Variants in TMEM64 observed in about 807,000 individuals in gnomAD.
TMEM64 encodes transmembrane protein 64.
A neutral mutation model predicts 24.5 loss-of-function variants in TMEM64; 19 were observed. The observed-to-expected ratio is 0.78, with a 90% CI of 0.54 to 1.14. The LOEUF (loss-of-function observed/expected upper bound fraction) is 1.14, where lower values mean the gene tolerates loss of function less well. TMEM64 is among the 50% of genes most tolerant of loss of function. The probability of loss-of-function intolerance (pLI) is 0.00; values close to 1 mark genes in which losing one functional copy is unlikely to be tolerated. For missense variants in TMEM64, 487 were observed against 493.0 expected (o/e 0.99, Z 0.12); for synonymous variants, 262 against 224.7 (o/e 1.17, Z -1.49).
chr8:90,623,556 T>A lies in TMEM64; in HGVS notation c.*2115A>T, dbSNP rs1809312859. On this transcript the variant is annotated 3_prime_UTR_variant, in exon 3 of 3. Coordinates refer to ENST00000458549, the MANE Select transcript of TMEM64 (RefSeq NM_001008495.4). ...AATCCATACTATTTTAAGAAAAAAA[T>A]GGATGATTTATTATATAAAATTAAG... 6.6e-6 allele frequency: 1 copy of A among 152,390 alleles called. No individual in the cohort carries two copies. Among genetic ancestry groups the A allele is most frequent in the Non-Finnish European group, 1.5e-5 (1 of 67,958 alleles). 9.4% of individuals were successfully genotyped at this position (152,390 alleles called of 1,614,324 possible).
At chr8:90,632,314 T>G (rs1338368798) in intron 1 of TMEM64, among the ~76,000 whole-genome samples, 1 of 151,478 alleles carries the variant, frequency 6.6e-6, no homozygotes, top group Non-Finnish European at 1.5e-5. Flanking sequence ...ACCGCTACTT[T>G]TTGTTGTTGT....
intron 1 of TMEM64, among the ~76,000 whole-genome samples, chr8:90,634,957 G>A (rs1301394932): frequency 2.0e-5 from 3 of 152,142 alleles, no homozygotes; most frequent in Non-Finnish European, 4.4e-5. Flanking sequence ...ATAATGAACT[G>A]GAGATGCATC....
At chr8:90,627,454 T>C (rs1809376204) in intron 2 of TMEM64, among the ~76,000 whole-genome samples, 1 of 104,810 alleles carries the variant, frequency 9.5e-6, no homozygotes, top group South Asian at 2.7e-4. Flanking sequence ...TGTAAAGAGA[T>C]GAAAAAAATA....
chr8:90,633,439 A>T (rs969074266), intron 1 of TMEM64, among the ~76,000 whole-genome samples: 1 of 152,222 alleles, frequency 6.6e-6, no homozygotes, highest in Non-Finnish European at 1.5e-5. Context: ...AGCTAGTTGC[A>T]CAGGAATTCC....
intron 2 of TMEM64, among the ~76,000 whole-genome samples, chr8:90,630,084 T>G (rs1474119944): frequency 2.0e-5 from 3 of 152,148 alleles, no homozygotes; most frequent in Admixed American, 6.5e-5. Flanking sequence ...TTCATTAGTA[T>G]TATTTGCTTA....
intron 2 of TMEM64, among the ~76,000 whole-genome samples, chr8:90,629,607 AT>A (rs937604011): frequency 2.5e-4 from 38 of 152,256 alleles, no homozygotes; most frequent in African/African-American, 8.9e-4. Flanking sequence ...ATGTTAATTT[AT>A]ATACTGTGCT....
intron 1 of TMEM64, among the ~76,000 whole-genome samples, chr8:90,634,487 T>C (rs997618777): frequency 6.6e-6 from 1 of 152,212 alleles, no homozygotes; most frequent in African/African-American, 2.4e-5. Flanking sequence ...CTTGGCCATA[T>C]TTATTCTTGC....
intron 1 of TMEM64, among the ~76,000 whole-genome samples, chr8:90,642,183 A>G (rs1274555120): frequency 1.3e-5 from 2 of 152,228 alleles, no homozygotes; most frequent in Non-Finnish European, 2.9e-5. Flanking sequence ...GGAAGTGACT[A>G]TGAGCCAGAC....
At chr8:90,640,361 A>C (rs1297238733) in intron 1 of TMEM64, among the ~76,000 whole-genome samples, 1 of 152,234 alleles carries the variant, frequency 6.6e-6, no homozygotes, top group Admixed American at 6.5e-5. Flanking sequence ...ACAGAATAAG[A>C]ACTCAAGAAA....
chr8:90,633,741 A>C (rs6998150), intron 1 of TMEM64, among the ~76,000 whole-genome samples: 53,120 of 151,986 alleles, frequency 0.35, 10,123 homozygotes, highest in East Asian at 0.73. Context: ...ATGATGTTTC[A>C]TCATTAATCT....
chr8:90,645,332 C>A lies in TMEM64; in HGVS notation c.574G>T (p.Val192Leu), dbSNP rs756459793. The change falls in exon 1 of 3, where the codon GTG becomes TTG. Residue 192 changes from valine to leucine, a missense_variant. Transcript: ENST00000458549. The surrounding 1 kb of genome is among the most constrained non-coding windows in gnomAD (Gnocchi z 4.2). The part of the protein sequence containing the change: ...NVAAGYLYGF[V>L]LGMGLMMVGV... ...ACCATCATCAGACCCATGCCCAGCA[C>A]GAAGCCGTACAGGTAGCCAGCGGCC... 1.3e-6 allele frequency: 2 copies of A among 1,560,044 alleles called. No individual in the cohort carries two copies. The highest frequency in any genetic ancestry group is 3.9e-5 in the Admixed American group (2 of 51,636).
At chr8:90,626,625 CT>C (rs1223612676) in intron 2 of TMEM64, among the ~76,000 whole-genome samples, 1 of 112,536 alleles carries the variant, frequency 8.9e-6, no homozygotes, top group Admixed American at 9.1e-5. Flanking sequence ...CTTTTTTTTT[CT>C]TTCTTTTTTT....
chr8:90,631,645 C>T lies in TMEM64; in HGVS notation c.858G>A (p.Gln286=). Residue 286 remains glutamine, a synonymous_variant, in exon 2 of 3, where the codon CAG becomes CAA. Coordinates refer to ENST00000458549, the MANE Select transcript of TMEM64 (RefSeq NM_001008495.4). ...MASSVGLLPT[Q]LLNSYLGTTL... ...TGGTACCCAAGTAAGAATTCAGAAG[C>T]TGGGTAGGAAGCAGTCCAACCGAAG... The T allele has an allele frequency of 6.2e-7, 1 of 1,613,760 alleles. No individual in the cohort carries two copies. Among genetic ancestry groups the T allele is most frequent in the South Asian group, 1.1e-5 (1 of 91,056 alleles).
intron 1 of TMEM64, among the ~76,000 whole-genome samples, chr8:90,635,046 C>A (rs1299784698): frequency 1.3e-5 from 2 of 152,058 alleles, no homozygotes; most frequent in African/African-American, 2.4e-5. Flanking sequence ...ACTGCTCATG[C>A]GAGATGCTCC....
In TMEM64 at chr8:90,631,617, G is replaced by T. The variant is rs376632890; in HGVS notation, c.886C>A (p.Leu296Met). Residue 296 changes from leucine (L) to methionine (M), a missense_variant, in exon 2 of 3, where the codon CTG becomes ATG. Leu to Met is a conservative substitution (Grantham distance 15, BLOSUM62 2). This residue lies in a region of TMEM64 where 419 missense variants were observed against 407.5 expected (regional missense o/e 1.03). Coordinates refer to ENST00000458549, the MANE Select transcript of TMEM64 (RefSeq NM_001008495.4). ...GCAATGACATCTTCCATTGTCCGCAGGGTGGTACCCAAGTAAGAATTCAGA... is the reference window on the plus strand; with the variant it reads ...GCAATGACATCTTCCATTGTCCGCATGGTGGTACCCAAGTAAGAATTCAGA... ...QLLNSYLGTT[L>M]RTMEDVIAEQ... 5.0e-6 allele frequency: 8 copies of T among 1,613,634 alleles called. No homozygotes were observed. The African/African-American group carries it at 8.0e-5, about 16-fold the overall frequency.
intron 1 of TMEM64, among the ~76,000 whole-genome samples, chr8:90,640,063 T>C (rs984175183): frequency 3.3e-5 from 5 of 152,186 alleles, no homozygotes; most frequent in African/African-American, 1.2e-4. Flanking sequence ...CATTCAGTGG[T>C]ATTGTGAGGT....
At chr8:90,633,367 G>A (rs1447496582) in intron 1 of TMEM64, among the ~76,000 whole-genome samples, 1 of 152,198 alleles carries the variant, frequency 6.6e-6, no homozygotes, top group African/African-American at 2.4e-5. Flanking sequence ...GCCTTAAGAT[G>A]ATGCAGCCCT....
rs575763856 is a variant in TMEM64 at position 90,645,915 on chromosome 8, C to T, written c.-10G>A. 6.3e-4 allele frequency: 722 copies of T among 1,137,790 alleles called. 3 individuals are homozygous for T. In the African/African-American group the frequency reaches 0.01, roughly 16 times the overall value. The allele number at this position is 1,137,790 out of a possible 1,614,324, so 70.5% of individuals were successfully genotyped here. On this transcript the variant is annotated 5_prime_UTR_variant, in exon 1 of 3. Coordinates refer to ENST00000458549, the MANE Select transcript of TMEM64 (RefSeq NM_001008495.4). This position sits in a 1 kb window ranked among gnomAD's most constrained non-coding sequence, Gnocchi z 4.2. ...CGCCCGGGCTCCGCATGCCTCGGCC[C>T]AGCGCGGGCCCTCAGCCGGCCAGCC... is the stretch of plus-strand genomic sequence containing the variant.
chr8:90,628,164 A>C (rs901501493), intron 2 of TMEM64, among the ~76,000 whole-genome samples: 1 of 152,258 alleles, frequency 6.6e-6, no homozygotes, highest in African/African-American at 2.4e-5. Context: ...AATTGTTTTA[A>C]AAGTTTCCTT....
Sources: gnomAD v4.1 joint callset for allele counts (sites outside exome capture counted in the v4.1 genomes callset) on GRCh38, gnomAD v4.1.1 for gene constraint, gnomAD v4.1.1 regional missense constraint, Gnocchi (gnomAD v3.1) non-coding constraint, MANE v1.5 for transcripts, NCBI Gene and HGNC (gene_info 2026-07-23, HGNC 2026-07-21) for gene names.